FAT2: variants seen among roughly 807,000 people sequenced by gnomAD.
The protein encoded by FAT2 is protocadherin Fat 2.
Under a neutral mutation model 295.3 loss-of-function variants are expected in FAT2, and 150 were observed. That is an observed-to-expected ratio of 0.51 (90% CI 0.44 to 0.58). The LOEUF (loss-of-function observed/expected upper bound fraction) is 0.58, where lower values mean the gene tolerates loss of function less well. Among genes scored for constraint, FAT2 ranks in the 20% least tolerant of loss-of-function variants. FAT2 has a pLI of 0.00. For missense variants in FAT2, 4,868 were observed against 5,442.7 expected, an observed-to-expected ratio of 0.89 and a Z score of 3.32; for synonymous variants, 2,026 against 2,150.3, an observed-to-expected ratio of 0.94 and a Z score of 1.60.
At chr5:151,555,023 C>T (rs1163229387) in intron 4 of FAT2, among the ~76,000 whole-genome samples, 6 of 152,034 alleles carry the variant, frequency 3.9e-5, no homozygotes, top group Admixed American at 1.3e-4. Context: ...TTAAGTTGCT[C>T]GATTAGAGAA....
Position 151,563,526 on chromosome 5 carries a change from T to C in FAT2, c.3373A>G (p.Ile1125Val), listed in dbSNP as rs1461444236. Reference protein sequence around the residue: ...VPLSSVTEVYIEVTDANDNPP... With the variant: ...VPLSSVTEVYVEVTDANDNPP... ...TTGTCATTGGCATCCGTAACCTCGA[T>C]GTAGACTTCAGTTACAGAAGAGAGG... is the stretch of plus-strand genomic sequence containing the variant. Residue 1125 changes from isoleucine to valine, a missense_variant, in exon 3 of 24, where the codon ATC becomes GTC. This residue lies in a region of FAT2 where 3,297 missense variants were observed against 3,669.4 expected (regional missense o/e 0.90). Coordinates refer to ENST00000261800, the MANE Select transcript of FAT2 (RefSeq NM_001447.3). 13 of 1,614,150 alleles carry C rather than the reference T, an allele frequency of 8.1e-6. No individual in the cohort carries two copies. Among genetic ancestry groups the C allele is most frequent in the Non-Finnish European group, 1.1e-5 (13 of 1,180,026 alleles).
In FAT2 at chr5:151,568,621, G is replaced by GT; in HGVS notation, c.310dup (p.Thr104AsnfsTer40). 1 of 1,614,188 alleles carries GT rather than the reference G, an allele frequency of 6.2e-7. No homozygotes were observed. The highest frequency in any genetic ancestry group is 8.5e-7 in the Non-Finnish European group (1 of 1,180,032). ...TCGCACCTCTCTGTTCAGAAGAGCT[G>GT]TGTTGCTGCTCTTTGTCCTTATTCT... On this transcript the variant is annotated frameshift_variant, in exon 2 of 24. Coordinates refer to ENST00000261800, the MANE Select transcript of FAT2 (RefSeq NM_001447.3). LOFTEE classifies it high-confidence loss of function.
chr5:151,554,931 G>A (rs534112245), intron 4 of FAT2, among the ~76,000 whole-genome samples: 1 of 152,314 alleles, frequency 6.6e-6, no homozygotes, highest in African/African-American at 2.4e-5. Flanking sequence ...CTGTTTATGT[G>A]GGACAACCCC....
At chr5:151,561,256 G>A (rs1243209173) in intron 3 of FAT2, among the ~76,000 whole-genome samples, 2 of 152,170 alleles carry the variant, frequency 1.3e-5, no homozygotes. Context: ...TGCGTGGAGG[G>A]GCCCGGACTG....
chr5:151,507,114 C>T, intron 23 of FAT2, 40 bp downstream of exon 23: 2 of 1,505,846 alleles, frequency 1.3e-6, no homozygotes, highest in Non-Finnish European at 1.8e-6. Context: ...CCACCCACTT[C>T]CATCAATCCC....
At chr5:151,563,279 C>A in intron 3 of FAT2, 46 bp downstream of exon 3, 1 of 1,557,158 alleles carries the variant, frequency 6.4e-7, no homozygotes, top group South Asian at 1.2e-5. Flanking sequence ...AATTTGAGAA[C>A]CACCATTGTA....
chr5:151,585,197 T>TC (rs752444114), intron 1 of FAT2, among the ~76,000 whole-genome samples: 2 of 152,266 alleles, frequency 1.3e-5, no homozygotes, highest in South Asian at 4.1e-4. Flanking sequence ...AGCCTGGCCA[T>TC]CTGAATAAGA....
At chr5:151,536,630 C>T (rs921329247) in intron 12 of FAT2, among the ~76,000 whole-genome samples, 1 of 152,228 alleles carries the variant, frequency 6.6e-6, no homozygotes, top group South Asian at 2.1e-4. Flanking sequence ...CTGCAGGAAT[C>T]TCTGCTTCCC....
rs888839248 is a variant in FAT2 at position 151,566,799 on chromosome 5, G to A, written c.2133C>T (p.Thr711=). ...SLSTYQINHY[T]PQFEDHFPQS... is the part of the protein sequence containing the mutation. ...GGGGGAAGTGGTCCTCAAACTGTGG[G>A]GTGTAATGATTAATCTGATATGTGC... Residue 711 remains threonine, a synonymous_variant, in exon 2 of 24, where the codon ACC becomes ACT. Coordinates refer to ENST00000261800, the MANE Select transcript of FAT2 (RefSeq NM_001447.3). 6 of 1,614,136 alleles carry A rather than the reference G, an allele frequency of 3.7e-6. No individual in the cohort carries two copies. Among genetic ancestry groups the A allele is most frequent in the Non-Finnish European group, 4.2e-6 (5 of 1,180,018 alleles).
At chr5:151,509,535 G>A (rs1450465112) in intron 22 of FAT2, 1 of 153,232 alleles carries the variant, frequency 6.5e-6, no homozygotes, top group Non-Finnish European at 1.5e-5. Context: ...ATTCTCACTG[G>A]AGCACAAACC....
At chr5:151,585,893 C>A (rs1759149384) in intron 1 of FAT2, among the ~76,000 whole-genome samples, 1 of 152,212 alleles carries the variant, frequency 6.6e-6, no homozygotes, top group Non-Finnish European at 1.5e-5. Context: ...CACACATCAA[C>A]TCTCAGCAGC....
chr5:151,507,453 C>G lies in FAT2; in HGVS notation c.12218G>C (p.Cys4073Ser), dbSNP rs749389986. 7 of 1,614,044 alleles carry G rather than the reference C, an allele frequency of 4.3e-6. No individual in the cohort carries two copies. The highest frequency in any genetic ancestry group is 5.9e-6 in the Non-Finnish European group (7 of 1,180,034). The change falls in exon 23 of 24, where the codon TGC (cysteine) becomes TCC (serine). Residue 4073 changes from cysteine (C) to serine (S), a missense_variant. Cys to Ser is a moderately radical substitution (Grantham distance 112). This residue lies in a region of FAT2 where 492 missense variants were observed against 482.6 expected (regional missense o/e 1.02). Transcript: ENST00000261800. ...TVGLLFYCRR[C>S]KSHKPVAMED... is the part of the protein sequence containing the mutation. ...CATGGCCACAGGCTTGTGAGACTTG[C>G]AACGGCGGCAGTAGAAGAGAAGCCC...
chr5:151,557,781 T>G (rs2127636567), intron 3 of FAT2, among the ~76,000 whole-genome samples: 2 of 152,336 alleles, frequency 1.3e-5, no homozygotes, highest in South Asian at 4.1e-4. Flanking sequence ...TTCTGAGAAT[T>G]CATATGTTGG....
chr5:151,547,865 G>C lies in FAT2; in HGVS notation c.4789+1430C>G, dbSNP rs192828491. On this transcript the variant is annotated intron_variant, in intron 9 of 23. Coordinates refer to ENST00000261800, the MANE Select transcript of FAT2 (RefSeq NM_001447.3). ...GGAAAGACAGAAAATCATTCTTTTG[G>C]GGTGATGAAAATGATGGTTATGTGT... Among the ~76,000 whole-genome samples the C allele has an allele frequency of 9.9e-4, 151 of 152,144 alleles. 1 individual carries two copies. Among genetic ancestry groups the C allele is most frequent in the African/African-American group, 3.5e-3 (147 of 41,488 alleles).
chr5:151,525,162 T>A (rs927308476), intron 18 of FAT2, among the ~76,000 whole-genome samples: 7 of 152,132 alleles, frequency 4.6e-5, no homozygotes, highest in African/African-American at 1.7e-4. Flanking sequence ...AGCCCATAAG[T>A]TTACAGAATA....
chr5:151,594,669 C>T (rs1405495310), upstream of FAT2, among the ~76,000 whole-genome samples: 2 of 152,150 alleles, frequency 1.3e-5, no homozygotes, highest in African/African-American at 4.8e-5. Context: ...GTCTTCTTCC[C>T]TATGAACTGG....
chr5:151,556,746 C>A (rs994635555), intron 3 of FAT2, among the ~76,000 whole-genome samples: 2 of 151,986 alleles, frequency 1.3e-5, no homozygotes, highest in African/African-American at 2.4e-5. Flanking sequence ...ATGATTTTGC[C>A]CCCTGTAGGC....
At position 151,568,536 on chromosome 5, in the gene FAT2, G is replaced by T. The variant is rs773187964; in HGVS notation, c.396C>A (p.Thr132=). The change falls in exon 2 of 24, where the codon ACC becomes ACA. Residue 132 remains threonine, a synonymous_variant. Transcript: ENST00000261800. ...TEKTLELEAL[T]RVVVHILDQN... ...GGTCCAGGATGTGGACCACCACACGGGTCAAAGCTTCCAACTCCAAGGTCT... is the reference window on the plus strand; with the variant it reads ...GGTCCAGGATGTGGACCACCACACGTGTCAAAGCTTCCAACTCCAAGGTCT... The T allele has an allele frequency of 6.2e-7, 1 of 1,614,084 alleles. No individual in the cohort carries two copies. Among genetic ancestry groups the T allele is most frequent in the Non-Finnish European group, 8.5e-7 (1 of 1,180,006 alleles).
chr5:151,530,091 A>C (rs760784724), intron 14 of FAT2, among the ~76,000 whole-genome samples: 2 of 152,220 alleles, frequency 1.3e-5, no homozygotes, highest in Non-Finnish European at 2.9e-5. Flanking sequence ...ATGAAAAGGT[A>C]TATCTATCTA....
Sources: allele counts gnomAD v4.1 joint callset (sites outside exome capture counted in the v4.1 genomes callset), GRCh38; gene constraint gnomAD v4.1.1; regional missense constraint gnomAD v4.1.1; transcripts MANE v1.5; gene names NCBI Gene and HGNC (gene_info 2026-07-23, HGNC 2026-07-21).